PPM1D: variants seen among roughly 807,000 people sequenced by gnomAD.
The protein encoded by PPM1D is protein phosphatase, Mg2+/Mn2+ dependent 1D.
In PPM1D, 52 loss-of-function variants were observed where a neutral mutation model predicts 58.3. The observed-to-expected ratio is 0.89, with a 90% CI of 0.71 to 1.12. PPM1D has a LOEUF of 1.12. Among genes scored for constraint, PPM1D ranks in the 50% most tolerant of loss-of-function variants. PPM1D has a pLI of 0.00. For synonymous variants in PPM1D, 278 were observed against 285.1 expected (o/e 0.98, Z 0.25); for missense variants, 564 against 777.2 (o/e 0.73, Z 3.26).
intron 5 of PPM1D, among the ~76,000 whole-genome samples, chr17:60,661,844 C>G (rs1413629777): frequency 6.6e-6 from 1 of 152,036 alleles, no homozygotes; most frequent in Non-Finnish European, 1.5e-5. Context: ...GTAATGCTTT[C>G]CACACTACAT....
Position 60,663,338 on chromosome 17 carries a change from A to G in PPM1D, c.1604A>G (p.Lys535Arg). 6.2e-7 allele frequency: 1 copy of G among 1,614,194 alleles called. No individual in the cohort carries two copies. Among genetic ancestry groups the G allele is most frequent in the South Asian group, 1.1e-5 (1 of 91,090 alleles). ...EIERTPPTNFKRTLEESNSGP... is the reference protein window; with the variant it reads ...EIERTPPTNFRRTLEESNSGP... ...GAAAGAACCCCTCCAACAAACTTTA[A>G]AAGGACATTAGAAGAGTCCAATTCT... Residue 535 changes from lysine (K) to arginine (R), a missense_variant, in exon 6 of 6, where the codon AAA (lysine) becomes AGA (arginine). This residue lies in a region of PPM1D where 261 missense variants were observed against 270.1 expected (regional missense o/e 0.97). Coordinates refer to ENST00000305921, the MANE Select transcript of PPM1D (RefSeq NM_003620.4).
chr17:60,600,846 A>G lies in PPM1D; in HGVS notation c.432A>G (p.Lys144=). ...EPAKVCAAIR[K]GFLACHLAMW... is the part of the protein sequence containing the mutation. Reference sequence around the variant, plus strand: ...CTAAGGTTTGCGCTGCCATCCGCAAAGGCTTTCTCGCTTGTCACCTTGCCA... The same window carrying G: ...CTAAGGTTTGCGCTGCCATCCGCAAGGGCTTTCTCGCTTGTCACCTTGCCA... The change falls in exon 1 of 6, where the codon AAA becomes AAG. Residue 144 remains lysine, a synonymous_variant. Transcript: ENST00000305921. 6.2e-7 allele frequency: 1 copy of G among 1,613,062 alleles called. No homozygotes were observed. Among genetic ancestry groups the G allele is most frequent in the African/African-American group, 1.3e-5 (1 of 75,048 alleles).
intron 1 of PPM1D, among the ~76,000 whole-genome samples, chr17:60,621,563 A>AT (rs775950363): frequency 0.079 from 7,547 of 96,090 alleles, 669 homozygotes; most frequent in African/African-American, 0.2. Flanking sequence ...TATTTTTTGT[A>AT]TTTTTTTTTT....
In PPM1D at chr17:60,647,824, T is replaced by G; in HGVS notation, c.827-68T>G. 4 of 1,441,762 alleles carry G rather than the reference T, an allele frequency of 2.8e-6. No homozygotes were observed. The South Asian group carries it at 3.6e-5, about 13-fold the overall frequency. 89.3% of individuals were successfully genotyped at this position (1,441,762 alleles called of 1,614,324 possible). On this transcript the variant is annotated intron_variant, in intron 3 of 5. Transcript: ENST00000305921. ...GATGAACTGTGTAGATTTTCTCTTT[T>G]AATCTGTTGCTGTTGTACTATTAGC...
At chr17:60,635,740 G>A (rs1237022577) in intron 3 of PPM1D, among the ~76,000 whole-genome samples, 1 of 152,154 alleles carries the variant, frequency 6.6e-6, no homozygotes, top group Admixed American at 6.5e-5. Flanking sequence ...GGGAGACTCA[G>A]TTCAGAGATA....
At chr17:60,631,365 A>T (rs140962394) in intron 2 of PPM1D, among the ~76,000 whole-genome samples, 1 of 152,134 alleles carries the variant, frequency 6.6e-6, no homozygotes, top group Admixed American at 6.6e-5. Context: ...TAGGCTGGGC[A>T]TGGTGACTCA....
chr17:60,612,046 AAAAG>A, intron 1 of PPM1D, among the ~76,000 whole-genome samples: 1 of 151,858 alleles, frequency 6.6e-6, no homozygotes, highest in Non-Finnish European at 1.5e-5. Context: ...GGTATTTAAA[AAAAG>A]AAAACAGATT....
intron 1 of PPM1D, among the ~76,000 whole-genome samples, chr17:60,603,578 C>T (rs569536945): frequency 7.9e-5 from 12 of 152,298 alleles, no homozygotes; most frequent in African/African-American, 2.9e-4. Context: ...GCCTGGCCAA[C>T]ATGGTGAAAC....
chr17:60,616,126 C>G (rs1474229816), intron 1 of PPM1D, among the ~76,000 whole-genome samples: 1 of 152,020 alleles, frequency 6.6e-6, no homozygotes, highest in African/African-American at 2.4e-5. Context: ...GAGCCTCAGC[C>G]TCCTGTAACT....
intron 2 of PPM1D, among the ~76,000 whole-genome samples, chr17:60,630,394 A>G (rs2030896739): frequency 6.6e-6 from 1 of 152,092 alleles, no homozygotes; most frequent in African/African-American, 2.4e-5. Flanking sequence ...CACCATCTGG[A>G]CAGTTGGGCA....
At chr17:60,615,017 C>T (rs865920411) in intron 1 of PPM1D, among the ~76,000 whole-genome samples, 3 of 152,176 alleles carry the variant, frequency 2.0e-5, no homozygotes, top group Non-Finnish European at 4.4e-5. Flanking sequence ...ACTATTTGCA[C>T]CAGGGTATCC....
chr17:60,616,503 G>A (rs932251136), intron 1 of PPM1D, among the ~76,000 whole-genome samples: 1 of 151,920 alleles, frequency 6.6e-6, no homozygotes. Flanking sequence ...CCAGCTACTC[G>A]GGAGGCTGAG....
intron 1 of PPM1D, among the ~76,000 whole-genome samples, chr17:60,617,890 G>T (rs540674356): frequency 1.3e-5 from 2 of 152,168 alleles, no homozygotes; most frequent in African/African-American, 4.8e-5. Context: ...GCAGATATCT[G>T]TATGTCCTTT....
chr17:60,660,592 C>A (rs2031509575), intron 5 of PPM1D, among the ~76,000 whole-genome samples: 1 of 151,870 alleles, frequency 6.6e-6, no homozygotes, highest in Non-Finnish European at 1.5e-5. Context: ...GAAACCCCAT[C>A]TCTACTGAAA....
chr17:60,642,038 C>G (rs952278271), intron 3 of PPM1D, among the ~76,000 whole-genome samples: 6 of 152,196 alleles, frequency 3.9e-5, no homozygotes, highest in Non-Finnish European at 7.3e-5. Context: ...GTTCTATGAT[C>G]GTACTTTGGT....
chr17:60,663,432 C>G lies in PPM1D; in HGVS notation c.1698C>G (p.Leu566=). 6.2e-7 allele frequency: 1 copy of G among 1,614,176 alleles called. No homozygotes were observed. Among genetic ancestry groups the G allele is most frequent in the Non-Finnish European group, 8.5e-7 (1 of 1,180,042 alleles). Reference sequence around the variant, plus strand: ...GTAGTGGTGCTCAGCCTGCAAGTCTCCCCACAACCTCACAGCGAAAGAACT... The same window carrying G: ...GTAGTGGTGCTCAGCCTGCAAGTCTGCCCACAACCTCACAGCGAAAGAACT... ...SRSSGAQPAS[L]PTTSQRKNSV... is the part of the protein sequence containing the mutation. Residue 566 remains leucine, a synonymous_variant, in exon 6 of 6, where the codon CTC becomes CTG. Transcript: ENST00000305921.
chr17:60,629,414 T>G (rs1668674327), intron 2 of PPM1D, among the ~76,000 whole-genome samples: 1 of 152,214 alleles, frequency 6.6e-6, no homozygotes, highest in South Asian at 2.1e-4. Context: ...TCTGAATCAC[T>G]GCTGAAGACA....
chr17:60,654,122 A>T (rs2143713729), intron 4 of PPM1D, among the ~76,000 whole-genome samples: 1 of 151,738 alleles, frequency 6.6e-6, no homozygotes, highest in South Asian at 2.1e-4. Flanking sequence ...TAGAGGAAAG[A>T]CCTTCAATTT....
intron 1 of PPM1D, among the ~76,000 whole-genome samples, chr17:60,614,930 G>A (rs1332947310): frequency 6.6e-6 from 1 of 152,110 alleles, no homozygotes; most frequent in Non-Finnish European, 1.5e-5. Flanking sequence ...AAGGGTCTGC[G>A]GTTTCATTCT....
Sources: allele counts gnomAD v4.1 joint callset (sites outside exome capture counted in the v4.1 genomes callset), GRCh38; gene constraint gnomAD v4.1.1; regional missense constraint gnomAD v4.1.1; transcripts MANE v1.5; gene names NCBI Gene and HGNC (gene_info 2026-07-23, HGNC 2026-07-21).